Variants in TMEM26 observed in about 807,000 individuals in gnomAD.
TMEM26 encodes transmembrane protein 26.
A neutral mutation model predicts 28.8 loss-of-function variants in TMEM26; 38 were observed. That is an observed-to-expected ratio of 1.32 (90% CI 1.02 to 1.73). The LOEUF (loss-of-function observed/expected upper bound fraction) is 1.73, where lower values mean the gene tolerates loss of function less well. Among genes scored for constraint, TMEM26 ranks in the 40% most tolerant of loss-of-function variants. The pLI is 0.00. For missense variants in TMEM26, 518 were observed against 447.1 expected (o/e 1.16, Z -1.43); for synonymous variants, 227 against 182.9 (o/e 1.24, Z -1.95).
Position 61,410,214 on chromosome 10 carries a change from T to C in TMEM26, c.*108A>G. 1 of 1,241,834 alleles carries C rather than the reference T, an allele frequency of 8.1e-7. No homozygotes were observed. Among genetic ancestry groups the C allele is most frequent in the Non-Finnish European group, 1.1e-6 (1 of 912,446 alleles). The allele number at this position is 1,241,834 out of a possible 1,614,324, so 76.9% of individuals were successfully genotyped here. Reference sequence around the variant, plus strand: ...TTGGTTTAAGATCACCTTTTTATGTTGTTCTTTTGAAAATTATTATACGCC... The same window carrying C: ...TTGGTTTAAGATCACCTTTTTATGTCGTTCTTTTGAAAATTATTATACGCC... On this transcript the variant is annotated 3_prime_UTR_variant, in exon 6 of 6. Coordinates refer to ENST00000399298, the MANE Select transcript of TMEM26 (RefSeq NM_178505.8).
chr10:61,446,188 T>C (rs1475332422), intron 1 of TMEM26, among the ~76,000 whole-genome samples: 2 of 152,220 alleles, frequency 1.3e-5, no homozygotes, highest in Admixed American at 6.5e-5. Flanking sequence ...ATATGACTTC[T>C]TCTTGGGAGT....
At chr10:61,413,144 T>C in intron 5 of TMEM26, 1 of 506,032 alleles carries the variant, frequency 2.0e-6, no homozygotes, top group Non-Finnish European at 3.2e-6. Flanking sequence ...ATTTCATGGG[T>C]GAAAGAAAGC....
At chr10:61,410,821 T>C in intron 5 of TMEM26, 75 bp from the exon 6 acceptor site, 1 of 1,393,004 alleles carries the variant, frequency 7.2e-7, no homozygotes, top group Admixed American at 1.9e-5. Context: ...TGGGGACGAG[T>C]CATTAACAAT....
chr10:61,437,615 C>T (rs1489105898), intron 1 of TMEM26, among the ~76,000 whole-genome samples: 1 of 152,130 alleles, frequency 6.6e-6, no homozygotes, highest in East Asian at 1.9e-4. Flanking sequence ...GAAAACCCAT[C>T]GCTACTAAAA....
rs1271833198 is a variant in TMEM26 at position 61,431,243 on chromosome 10, A to G, written c.360T>C (p.Ser120=). ...NQTLTSNEQT[S]RADDLIETAK... The stretch of plus-strand genomic sequence containing the variant: ...CCGTCTCAATGAGATCATCAGCTCT[A>G]CTGGTTTGTTCATTGGATGTCAATG... The change falls in exon 3 of 6, where the codon AGT becomes AGC. Residue 120 remains serine (S), a synonymous_variant. Coordinates refer to ENST00000399298, the MANE Select transcript of TMEM26 (RefSeq NM_178505.8). 2 of 1,612,998 alleles carry G rather than the reference A, an allele frequency of 1.2e-6. No individual in the cohort carries two copies. Among genetic ancestry groups the G allele is most frequent in the Non-Finnish European group, 8.5e-7 (1 of 1,179,200 alleles).
chr10:61,443,296 C>CAA (rs536125967), intron 1 of TMEM26, among the ~76,000 whole-genome samples: 15 of 117,226 alleles, frequency 1.3e-4, no homozygotes, highest in African/African-American at 3.3e-4. Flanking sequence ...CTAAAAATAC[C>CAA]AAAAAAAAAA....
At chr10:61,423,598 G>C (rs546386301) in intron 4 of TMEM26, among the ~76,000 whole-genome samples, 8 of 152,026 alleles carry the variant, frequency 5.3e-5, no homozygotes, top group Admixed American at 4.6e-4. Context: ...CAAATTAGCC[G>C]GTGAGGGCCT....
chr10:61,432,626 A>T (rs554545245), intron 2 of TMEM26, among the ~76,000 whole-genome samples: 2 of 151,420 alleles, frequency 1.3e-5, no homozygotes, highest in African/African-American at 4.9e-5. Flanking sequence ...CCACGATCAC[A>T]CATTTGTATT....
Position 61,436,375 on chromosome 10 carries a change from A to G in TMEM26, c.192-127T>C, listed in dbSNP as rs1589039454. On this transcript the variant is annotated intron_variant, in intron 1 of 5. Transcript: ENST00000399298. ...CACATTGAGTCAAACCTTTTCGTATAACTTCAAAGTGTTTATTTCAATGAA... is the reference window on the plus strand; with the variant it reads ...CACATTGAGTCAAACCTTTTCGTATGACTTCAAAGTGTTTATTTCAATGAA... 8 of 541,350 alleles carry G rather than the reference A, an allele frequency of 1.5e-5. No individual in the cohort carries two copies. The East Asian group carries it at 2.4e-4, about 16-fold the overall frequency. 33.5% of individuals were successfully genotyped at this position (541,350 alleles called of 1,614,324 possible).
At chr10:61,447,850 C>T (rs1840211019) in intron 1 of TMEM26, among the ~76,000 whole-genome samples, 1 of 152,108 alleles carries the variant, frequency 6.6e-6, no homozygotes, top group African/African-American at 2.4e-5. Context: ...CCCTGCACAC[C>T]CCCCTCACTC....
At chr10:61,448,401 G>A (rs910319834) in intron 1 of TMEM26, among the ~76,000 whole-genome samples, 9 of 152,218 alleles carry the variant, frequency 5.9e-5, no homozygotes, top group Non-Finnish European at 1.2e-4. Context: ...ATAACTCTGT[G>A]CCTCAGTTTT....
At chr10:61,422,139 G>A (rs1839759878) in intron 4 of TMEM26, among the ~76,000 whole-genome samples, 1 of 151,948 alleles carries the variant, frequency 6.6e-6, no homozygotes, top group Admixed American at 6.6e-5. Flanking sequence ...CCTACATACA[G>A]AGCCCCAAAA....
At position 61,412,926 on chromosome 10, in the gene TMEM26, G is replaced by T. The variant is rs930745460; in HGVS notation, c.682+533C>A. ...TTATGTTTTTATTAAAGTAAGACCA[G>T]TAGGATTCCAAGGACCTCCAATGAG... On this transcript the variant is annotated intron_variant, in intron 5 of 5. Coordinates refer to ENST00000399298, the MANE Select transcript of TMEM26 (RefSeq NM_178505.8). 35 of 1,294,972 alleles carry T rather than the reference G, an allele frequency of 2.7e-5. No individual in the cohort carries two copies. The African/African-American group carries it at 4.7e-4, about 18-fold the overall frequency. The allele number at this position is 1,294,972 out of a possible 1,614,324, so 80.2% of individuals were successfully genotyped here. A position where few individuals can be genotyped will look rare whatever the true frequency, so the allele number is the denominator to read the frequency against.
rs1244446936 is a variant in TMEM26, at chr10:61,408,866, C to T, written c.*1456G>A. 2 of 152,132 alleles carry T rather than the reference C, an allele frequency of 1.3e-5. No individual in the cohort carries two copies. Among genetic ancestry groups the T allele is most frequent in the African/African-American group, 4.8e-5 (2 of 41,424 alleles). 9.4% of individuals were successfully genotyped at this position (152,132 alleles called of 1,614,324 possible). On this transcript the variant is annotated 3_prime_UTR_variant, in exon 6 of 6. Coordinates refer to ENST00000399298, the MANE Select transcript of TMEM26 (RefSeq NM_178505.8). The stretch of plus-strand genomic sequence containing the variant: ...ATATGCATGACTCTGTATAAAAACA[C>T]AATTTGTCTATAAAAGTTTGTATAA...
chr10:61,413,093 G>T, intron 5 of TMEM26: 1 of 577,364 alleles, frequency 1.7e-6, no homozygotes, highest in Non-Finnish European at 2.6e-6. Context: ...ACTGAGTCAT[G>T]ACAAGAATCT....
Position 61,408,399 on chromosome 10 carries a change from C to A in TMEM26, c.*1923G>T, listed in dbSNP as rs1023500964. The A allele has an allele frequency of 2.0e-5, 3 of 152,122 alleles. No homozygotes were observed. The highest frequency in any genetic ancestry group is 7.2e-5 in the African/African-American group (3 of 41,428). 9.4% of individuals were successfully genotyped at this position (152,122 alleles called of 1,614,324 possible). On this transcript the variant is annotated 3_prime_UTR_variant, in exon 6 of 6. Transcript: ENST00000399298. ...CATTTAAAAATATCCTTGCAACAGCCGTACTACTTTATACTTTATCTATTT... is the reference window on the plus strand; with the variant it reads ...CATTTAAAAATATCCTTGCAACAGCAGTACTACTTTATACTTTATCTATTT...
chr10:61,451,953 C>T (rs1840289552), intron 1 of TMEM26, among the ~76,000 whole-genome samples: 1 of 151,004 alleles, frequency 6.6e-6, no homozygotes, highest in African/African-American at 2.4e-5. Context: ...CCATTTTCTC[C>T]TTTCTCATAG....
intron 1 of TMEM26, chr10:61,452,564 C>T (rs1476073247): frequency 2.1e-5 from 6 of 291,424 alleles, no homozygotes; most frequent in Non-Finnish European, 4.0e-5. Context: ...CCTCCTTGTC[C>T]CAAGACTCCC....
intron 5 of TMEM26, among the ~76,000 whole-genome samples, chr10:61,411,493 G>T (rs967308817): frequency 6.6e-6 from 1 of 152,172 alleles, no homozygotes; most frequent in African/African-American, 2.4e-5. Flanking sequence ...AAGCGTGTGC[G>T]CAAATTGTGC....
Sources: gnomAD v4.1 joint callset for allele counts (sites outside exome capture counted in the v4.1 genomes callset) on GRCh38, gnomAD v4.1.1 for gene constraint, MANE v1.5 for transcripts, NCBI Gene and HGNC (gene_info 2026-07-23, HGNC 2026-07-21) for gene names.